Variants in ERAP2 observed in about 807,000 individuals in gnomAD.
ERAP2 encodes endoplasmic reticulum aminopeptidase 2, also known as leukocyte-derived arginine aminopeptidase.
In ERAP2, 118 loss-of-function variants were observed where a neutral mutation model predicts 111.1. That is an observed-to-expected ratio of 1.06 (90% CI 0.92 to 1.24). The LOEUF (loss-of-function observed/expected upper bound fraction) is 1.24, where lower values mean the gene tolerates loss of function less well. Among genes scored for constraint, ERAP2 ranks in the 50% most tolerant of loss-of-function variants. The pLI is 0.00. For synonymous variants in ERAP2, 410 were observed against 401.2 expected, an observed-to-expected ratio of 1.02 and a Z score of -0.26; for missense variants, 1,131 against 1,125.8, an observed-to-expected ratio of 1.00 and a Z score of -0.07.
At chr5:96,884,076 ATCT>A (rs1702505905) in intron 3 of ERAP2, 146 bp downstream of exon 3, 1 of 604,652 alleles carries the variant, frequency 1.7e-6, no homozygotes, top group African/African-American at 2.0e-5. Flanking sequence ...CTATCTATCT[ATCT>A]ATCATCATAA....
intron 2 of ERAP2, chr5:96,881,495 G>A (rs1406074596): frequency 2.2e-6 from 1 of 455,990 alleles, no homozygotes; most frequent in African/African-American, 2.0e-5. Context: ...GAGGAGTCTG[G>A]CTCAGTGCAC....
At position 96,909,708 on chromosome 5, in the gene ERAP2, C is replaced by A; in HGVS notation, c.2298C>A (p.Cys766Ter). 1.2e-6 allele frequency: 2 copies of A among 1,614,212 alleles called. No individual in the cohort carries two copies. Among genetic ancestry groups the A allele is most frequent in the East Asian group, 4.5e-5 (2 of 44,886 alleles). ...CCTGTGACCTGAACCATGCTCCTTG[C>A]ATCCAGAAAGCTGCTGAACTCTTCT... Reference protein sequence around the residue: ...KLACDLNHAPCIQKAAELFSQ... With the variant: ...KLACDLNHAP Residue 766 changes from cysteine to a stop codon, truncating the protein, a stop_gained, in exon 15 of 19, where the codon TGC (cysteine) becomes TGA (stop). Transcript: ENST00000437043. LOFTEE classifies it high-confidence loss of function.
At chr5:96,897,897 G>T (rs188617900) in intron 9 of ERAP2, among the ~76,000 whole-genome samples, 179 of 152,260 alleles carry the variant, frequency 1.2e-3, no homozygotes, top group African/African-American at 3.9e-3. Context: ...GCAGTTTACA[G>T]TTTAAAGACA....
At chr5:96,911,729 C>T (rs1786757347) in intron 15 of ERAP2, among the ~76,000 whole-genome samples, 1 of 151,590 alleles carries the variant, frequency 6.6e-6, no homozygotes, top group African/African-American at 2.4e-5. Flanking sequence ...AAAAATTAGC[C>T]GGGCATGGTG....
At chr5:96,878,810 C>G (rs948457344) in intron 1 of ERAP2, among the ~76,000 whole-genome samples, 1 of 152,084 alleles carries the variant, frequency 6.6e-6, no homozygotes, top group Non-Finnish European at 1.5e-5. Context: ...TACCTGTAAT[C>G]CCAGCTACTC....
In ERAP2 at chr5:96,892,339, A is replaced by C. The variant is rs746888838; in HGVS notation, c.1011A>C (p.Glu337Asp). ...AIPDFAPGAMENWGLITYRET... is the reference protein window; with the variant it reads ...AIPDFAPGAMDNWGLITYRET... ...CTGACTTTGCACCTGGAGCCATGGA[A>C]AATTGGGGCCTCATTACATATAGGG... Residue 337 changes from glutamate (E) to aspartate (D), a missense_variant, in exon 6 of 19, where the codon GAA becomes GAC. Glu to Asp is a conservative substitution (Grantham distance 45). Around this residue, in one of 3 missense-constraint regions of ERAP2, gnomAD observed 847 missense variants for 856.5 expected, o/e 0.99. Transcript: ENST00000437043. The C allele has an allele frequency of 2.5e-6, 4 of 1,613,982 alleles. No homozygotes were observed. Among genetic ancestry groups the C allele is most frequent in the Non-Finnish European group, 3.4e-6 (4 of 1,179,888 alleles).
At chr5:96,896,965 T>TAAGTCATATGTTGTGTAACGATAGAC (rs1234064734) in intron 9 of ERAP2, 102 bp downstream of exon 9, 1 of 970,030 alleles carries the variant, frequency 1.0e-6, no homozygotes, top group African/African-American at 1.7e-5. Flanking sequence ...GTCAACCATA[T>TAAGTCATATGTTGTGTAACGATAGAC]TTATTCTGCT....
At chr5:96,890,189 C>T (rs1418638212) in intron 5 of ERAP2, among the ~76,000 whole-genome samples, 3 of 152,196 alleles carry the variant, frequency 2.0e-5, no homozygotes, top group South Asian at 2.1e-4. Flanking sequence ...CGATCCCCAA[C>T]CTTTTTGACA....
intron 1 of ERAP2, among the ~76,000 whole-genome samples, chr5:96,876,908 C>T (rs905611989): frequency 7.9e-5 from 12 of 152,068 alleles, no homozygotes; most frequent in African/African-American, 2.9e-4. Flanking sequence ...TTTCAGACTT[C>T]CTGTGTGGAT....
At chr5:96,916,816 A>T (rs1787468062) in intron 18 of ERAP2, among the ~76,000 whole-genome samples, 1 of 151,098 alleles carries the variant, frequency 6.6e-6, no homozygotes, top group Non-Finnish European at 1.5e-5. Context: ...TTTCACAATA[A>T]ATCTTGAATT....
intron 13 of ERAP2, among the ~76,000 whole-genome samples, chr5:96,908,256 C>A (rs1309033638): frequency 6.6e-6 from 1 of 152,104 alleles, no homozygotes; most frequent in Admixed American, 6.5e-5. Context: ...ACATAGCCTC[C>A]CAGAAACACA....
In ERAP2 at chr5:96,889,949, C is replaced by T. The variant is rs1008513121; in HGVS notation, c.970+644C>T. 3.9e-5 allele frequency among the ~76,000 whole-genome samples: 6 copies of T among 152,032 alleles called. No homozygotes were observed. In the South Asian group the frequency reaches 1.0e-3, roughly 26 times the overall value. Reference sequence around the variant, plus strand: ...GTCAGCAATCTTTTATAAAAGTTGTCAAAAGTTTATGTAGAGAGAGAACTG... The same window carrying T: ...GTCAGCAATCTTTTATAAAAGTTGTTAAAAGTTTATGTAGAGAGAGAACTG... On this transcript the variant is annotated intron_variant, in intron 5 of 18. Coordinates refer to ENST00000437043, the MANE Select transcript of ERAP2 (RefSeq NM_022350.5).
At chr5:96,887,149 A>G (rs1783840400) in intron 4 of ERAP2, among the ~76,000 whole-genome samples, 1 of 150,128 alleles carries the variant, frequency 6.7e-6, no homozygotes, top group African/African-American at 2.4e-5. Flanking sequence ...CCTTTGCAAA[A>G]TAATATATTG....
At chr5:96,885,039 G>A (rs1193971076) in intron 3 of ERAP2, among the ~76,000 whole-genome samples, 3 of 152,152 alleles carry the variant, frequency 2.0e-5, no homozygotes, top group Non-Finnish European at 4.4e-5. Flanking sequence ...TAATCTACAT[G>A]GGTCACTCCA....
rs1170724881 is a variant in ERAP2, at chr5:96,891,042, AT to A, written c.971-1255del. Among the ~76,000 whole-genome samples, 38 of 152,314 alleles carry A rather than the reference AT, an allele frequency of 2.5e-4. 1 individual carries two copies. The highest frequency in any genetic ancestry group is 8.4e-4 in the African/African-American group (35 of 41,562). On this transcript the variant is annotated intron_variant, in intron 5 of 18. Coordinates refer to ENST00000437043, the MANE Select transcript of ERAP2 (RefSeq NM_022350.5). ...ATCAATGCGATTTAGAAGAAAAGTC[AT>A]TCCCACATTTGAAGTGCTAACGAAT... is the stretch of plus-strand genomic sequence containing the variant.
intron 17 of ERAP2, among the ~76,000 whole-genome samples, chr5:96,914,173 CAAA>C (rs1561401644): frequency 6.6e-6 from 1 of 151,776 alleles, no homozygotes; most frequent in Non-Finnish European, 1.5e-5. Flanking sequence ...CACACAATCA[CAAA>C]ACCCTATAAG....
At chr5:96,910,199 A>C (rs2549798) in intron 15 of ERAP2, 85,274 of 157,806 alleles carry the variant, frequency 0.54, 23,097 homozygotes, top group Admixed American at 0.59. Flanking sequence ...TGGGAAGCAG[A>C]AGTTGCCGTG....
chr5:96,889,793 G>A (rs1784137832), intron 5 of ERAP2, among the ~76,000 whole-genome samples: 1 of 151,524 alleles, frequency 6.6e-6, no homozygotes, highest in African/African-American at 2.4e-5. Flanking sequence ...ATGCCCAGCA[G>A]CATTGATTAG....
intron 10 of ERAP2, among the ~76,000 whole-genome samples, chr5:96,900,908 G>A (rs1461676072): frequency 6.6e-6 from 1 of 151,930 alleles, no homozygotes; most frequent in Non-Finnish European, 1.5e-5. Context: ...CAGGCAATTC[G>A]CCCACCTTGG....
Sources: gnomAD v4.1 joint callset for allele counts (sites outside exome capture counted in the v4.1 genomes callset) on GRCh38, gnomAD v4.1.1 for gene constraint, gnomAD v4.1.1 regional missense constraint, MANE v1.5 for transcripts, NCBI Gene and HGNC (gene_info 2026-07-23, HGNC 2026-07-21) for gene names.